Variants in SGCE observed in about 807,000 individuals in gnomAD.
SGCE encodes sarcoglycan epsilon.
In SGCE, 26 loss-of-function variants were observed where a neutral mutation model predicts 57.8. That is an observed-to-expected ratio of 0.45 (90% CI 0.33 to 0.62). The LOEUF (loss-of-function observed/expected upper bound fraction) is 0.62. Ranked by LOEUF, SGCE falls within the 20% of genes least tolerant of loss-of-function variation. The probability of loss-of-function intolerance (pLI) is 0.02; values close to 1 mark genes in which losing one functional copy is unlikely to be tolerated. For synonymous variants in SGCE, 183 were observed against 189.5 expected (o/e 0.97, Z 0.28); for missense variants, 468 against 548.6 (o/e 0.85, Z 1.47).
At chr7:94,618,699 G>T in intron 5 of SGCE, 59 bp downstream of exon 5, 5 of 1,408,732 alleles carry the variant, frequency 3.5e-6, no homozygotes, top group South Asian at 1.2e-5. Context: ...TAATAAGTTT[G>T]ATAAGATCAC....
At chr7:94,648,915 A>C (rs1348084650) in intron 1 of SGCE, among the ~76,000 whole-genome samples, 1 of 152,236 alleles carries the variant, frequency 6.6e-6, no homozygotes, top group African/African-American at 2.4e-5. Context: ...TCAAATTTGC[A>C]GCGAACCCCA....
intron 9 of SGCE, among the ~76,000 whole-genome samples, chr7:94,595,300 C>A (rs1234143912): frequency 2.0e-5 from 3 of 152,102 alleles, no homozygotes; most frequent in African/African-American, 7.2e-5. Flanking sequence ...TTTAAAGGAA[C>A]AAACTAGTTT....
intron 1 of SGCE, among the ~76,000 whole-genome samples, chr7:94,651,121 A>C (rs929606919): frequency 2.0e-5 from 3 of 152,126 alleles, no homozygotes; most frequent in Admixed American, 6.6e-5. Context: ...CCACTGGTTC[A>C]TAATAACCTT....
rs1171898676 is a variant in SGCE at position 94,598,845 on chromosome 7, C to T, written c.1183G>A (p.Gly395Arg). 6.2e-7 allele frequency: 1 copy of T among 1,613,316 alleles called. No individual in the cohort carries two copies. The highest frequency in any genetic ancestry group is 1.7e-5 in the Admixed American group (1 of 60,004). The change falls in exon 9 of 11, where the codon GGG (glycine) becomes AGG (arginine). Residue 395 changes from glycine (G) to arginine (R), a missense_variant. By Grantham distance (125) the Gly-to-Arg change is moderately radical. Coordinates refer to ENST00000648936, the MANE Select transcript of SGCE (RefSeq NM_003919.3). ...GTGTGTAAAGGAGGTATGATTTCCC[C>T]AGTCACAGGGTGGAACACAGGAAGC... Reference protein sequence around the residue: ...STLPVFHPVTGEIIPPLHTDN... With the variant: ...STLPVFHPVTREIIPPLHTDN...
chr7:94,613,797 T>C (rs1434075881), intron 5 of SGCE, among the ~76,000 whole-genome samples: 1 of 152,126 alleles, frequency 6.6e-6, no homozygotes, highest in Non-Finnish European at 1.5e-5. Flanking sequence ...TAGAGAAGAA[T>C]ATGTCCATAT....
intron 9 of SGCE, among the ~76,000 whole-genome samples, chr7:94,595,970 T>C (rs528329511): frequency 1.1e-3 from 171 of 152,266 alleles, no homozygotes; most frequent in Middle Eastern, 3.4e-3. Flanking sequence ...CTCAGAATAA[T>C]CATTGTGAAC....
intron 9 of SGCE, among the ~76,000 whole-genome samples, chr7:94,594,141 C>A (rs990671464): frequency 2.6e-5 from 4 of 152,066 alleles, no homozygotes; most frequent in African/African-American, 9.7e-5. Context: ...AAAGGGCAAT[C>A]ATTGAGGTAC....
chr7:94,656,107 T>C lies in SGCE; in HGVS notation c.-9A>G, dbSNP rs1355618874. The C allele has an allele frequency of 1.9e-6, 3 of 1,558,236 alleles. No individual in the cohort carries two copies. Among genetic ancestry groups the C allele is most frequent in the East Asian group, 4.5e-5 (2 of 44,614 alleles). On this transcript the variant is annotated 5_prime_UTR_variant, in exon 1 of 11. Coordinates refer to ENST00000648936, the MANE Select transcript of SGCE (RefSeq NM_003919.3). ...CACCGGGGCAATTGCATTCTTGGCC[T>C]GGCTAGGCCGTCCGTCCTCGATTCT...
At chr7:94,598,459 G>A in intron 9 of SGCE, 1 of 310,926 alleles carries the variant, frequency 3.2e-6, no homozygotes, top group Non-Finnish European at 6.0e-6. Context: ...AAATGCTTAG[G>A]ATATGGTTCT....
chr7:94,634,319 T>A (rs1013231292), intron 1 of SGCE, among the ~76,000 whole-genome samples: 1 of 152,146 alleles, frequency 6.6e-6, no homozygotes, highest in African/African-American at 2.4e-5. Context: ...TGGTATAAGA[T>A]CATCATTTTG....
intron 3 of SGCE, chr7:94,625,369 ATC>A (rs1803532948): frequency 6.6e-6 from 1 of 151,774 alleles, no homozygotes; most frequent in Non-Finnish European, 1.5e-5. Context: ...TCTTTTTTTT[ATC>A]TTTTTACTAT....
At chr7:94,598,523 C>T in intron 9 of SGCE, 2 of 448,240 alleles carry the variant, frequency 4.5e-6, no homozygotes, top group Non-Finnish European at 8.0e-6. Flanking sequence ...AGTTTAATAT[C>T]AGTGTCAATT....
chr7:94,586,061 GAAAA>G (rs780812386), intron 10 of SGCE, among the ~76,000 whole-genome samples: 1 of 28,904 alleles, frequency 3.5e-5, no homozygotes, highest in Non-Finnish European at 5.9e-5. Context: ...GGAACTAAAT[GAAAA>G]AAAAAAAAAA....
At chr7:94,628,061 C>T in intron 3 of SGCE, 141 bp downstream of exon 3, 1 of 645,752 alleles carries the variant, frequency 1.5e-6, no homozygotes, top group Non-Finnish European at 2.8e-6. Context: ...ATGTTATCTA[C>T]TGTGTTTCCA....
intron 1 of SGCE, among the ~76,000 whole-genome samples, chr7:94,635,179 C>T (rs886357757): frequency 7.9e-5 from 12 of 152,058 alleles, no homozygotes; most frequent in African/African-American, 2.7e-4. Flanking sequence ...TGGGAAGCAT[C>T]GCAAAGGTGT....
chr7:94,599,517 T>C (rs1439626640), intron 8 of SGCE, 180 bp downstream of exon 8: 3 of 605,670 alleles, frequency 5.0e-6, no homozygotes, highest in Non-Finnish European at 8.8e-6. Context: ...TCAAACCCTT[T>C]TTAGTTTTAG....
At chr7:94,625,551 T>C (rs1159524284) in intron 3 of SGCE, 1 of 152,118 alleles carries the variant, frequency 6.6e-6, no homozygotes, top group Non-Finnish European at 1.5e-5. Context: ...TAACGATCCA[T>C]TCATTTAAAA....
rs545846406 is a variant in SGCE at position 94,645,753 on chromosome 7, T to C, written c.109+10237A>G. ...TACTGTTGAGTATTAAATGACATAA[T>C]GTATTTAAGAACTTTAGAAGAATGC... is the stretch of plus-strand genomic sequence containing the variant. On this transcript the variant is annotated intron_variant, in intron 1 of 10. Coordinates refer to ENST00000648936, the MANE Select transcript of SGCE (RefSeq NM_003919.3). Among the ~76,000 whole-genome samples, 12 of 152,294 alleles carry C rather than the reference T, an allele frequency of 7.9e-5. No homozygotes were observed. In the South Asian group the frequency reaches 2.3e-3, roughly 29 times the overall value.
chr7:94,654,309 C>G (rs1584794920), intron 1 of SGCE, among the ~76,000 whole-genome samples: 1 of 152,140 alleles, frequency 6.6e-6, no homozygotes, highest in East Asian at 1.9e-4. Context: ...GATTTTTGAA[C>G]TTTAATTTTT....
Sources: gnomAD v4.1 joint callset for allele counts (sites outside exome capture counted in the v4.1 genomes callset) on GRCh38, gnomAD v4.1.1 for gene constraint, MANE v1.5 for transcripts, NCBI Gene and HGNC (gene_info 2026-07-23, HGNC 2026-07-21) for gene names.